SEC14L5: variants seen among roughly 807,000 people sequenced by gnomAD.
SEC14L5 encodes the protein SEC14-like protein 5.
In SEC14L5, 96 loss-of-function variants were observed where a neutral mutation model predicts 84.6. That is an observed-to-expected ratio of 1.13 (90% CI 0.96 to 1.34). The LOEUF is 1.34. Ranked by LOEUF, SEC14L5 falls within the 40% of genes most tolerant of loss-of-function variation. SEC14L5 has a pLI of 0.00. For missense variants in SEC14L5, 1,224 were observed against 942.5 expected (o/e 1.30, Z -3.91); for synonymous variants, 546 against 383.4 (o/e 1.42, Z -4.95).
At chr16:4,959,112 G>C in intron 1 of SEC14L5, 161 bp from the exon 2 acceptor site, 1 of 592,796 alleles carries the variant, frequency 1.7e-6, no homozygotes, top group South Asian at 2.0e-5. Context: ...GGAAGCTGTT[G>C]GGGCTTGGCC....
In SEC14L5 at chr16:4,997,701, C is replaced by G. The variant is rs56933635; in HGVS notation, c.970+657C>G. Among the ~76,000 whole-genome samples the G allele has an allele frequency of 2.8e-3, 429 of 152,282 alleles. 2 individuals carry two copies. The East Asian group carries it at 0.03, about 11-fold the overall frequency. On this transcript the variant is annotated intron_variant, in intron 8 of 15. Coordinates refer to ENST00000251170, the MANE Select transcript of SEC14L5 (RefSeq NM_014692.2). ...AGTAGAAATGTGTTCTTTCACAGTTCTCGAGGCCAGAAGTCTGGAGTCAAG... is the reference window on the plus strand; with the variant it reads ...AGTAGAAATGTGTTCTTTCACAGTTGTCGAGGCCAGAAGTCTGGAGTCAAG...
rs1955858149 is a variant in SEC14L5, at chr16:5,015,032, A to G, written c.*62A>G. ...AGTGTCCAGAAATGTCCAGAATGAG[A>G]AGCCAGCTAACTGCAGGGCCTGGGA... On this transcript the variant is annotated 3_prime_UTR_variant, in exon 16 of 16. Transcript: ENST00000251170. 3.0e-6 allele frequency: 4 copies of G among 1,336,580 alleles called. No homozygotes were observed. The highest frequency in any genetic ancestry group is 3.5e-5 in the Admixed American group (2 of 57,080). 82.8% of individuals were successfully genotyped at this position (1,336,580 alleles called of 1,614,324 possible).
chr16:5,012,209 A>G (rs1055012556), intron 15 of SEC14L5, among the ~76,000 whole-genome samples: 1 of 152,144 alleles, frequency 6.6e-6, no homozygotes, highest in Non-Finnish European at 1.5e-5. Context: ...TGTTTTGGCC[A>G]TCGGTCCTCA....
At chr16:5,006,739 C>G (rs897604402) in intron 12 of SEC14L5, among the ~76,000 whole-genome samples, 1 of 152,202 alleles carries the variant, frequency 6.6e-6, no homozygotes, top group Non-Finnish European at 1.5e-5. Context: ...GCGGCACACA[C>G]GACTTATTTT....
At chr16:4,959,614 G>A (rs754081212) in intron 2 of SEC14L5, among the ~76,000 whole-genome samples, 4 of 152,112 alleles carry the variant, frequency 2.6e-5, no homozygotes, top group Admixed American at 6.6e-5. Context: ...CCTTGTTGAA[G>A]CTGACCTGCT....
Position 5,007,333 on chromosome 16 carries a change from C to A in SEC14L5, c.1438-19C>A. ...CCTCAACTGGCCCTGACCTGCTGCC[C>A]TTTATCTCTGACCTGCAGTGTAATG... On this transcript the variant is annotated intron_variant, in intron 12 of 15. Transcript: ENST00000251170. 6.2e-7 allele frequency: 1 copy of A among 1,612,462 alleles called. No individual in the cohort carries two copies. Among genetic ancestry groups the A allele is most frequent in the Non-Finnish European group, 8.5e-7 (1 of 1,179,054 alleles).
Position 4,975,990 on chromosome 16 carries a change from T to C in SEC14L5, c.64-11567T>C, listed in dbSNP as rs562076728. ...AGTGGCATTCCAGCTTCCTTTGAAT[T>C]TGGATGAGGAAGAACAGGAAGGAAG... On this transcript the variant is annotated intron_variant, in intron 2 of 15. Transcript: ENST00000251170. Among the ~76,000 whole-genome samples, 3 of 152,262 alleles carry C rather than the reference T, an allele frequency of 2.0e-5. No individual in the cohort carries two copies. The East Asian group carries it at 5.8e-4, about 29-fold the overall frequency.
intron 14 of SEC14L5, among the ~76,000 whole-genome samples, chr16:5,009,802 C>G (rs949958777): frequency 6.6e-6 from 1 of 151,994 alleles, no homozygotes; most frequent in Admixed American, 6.6e-5. Context: ...CAAGTGGCTT[C>G]AGTATGGACG....
chr16:4,990,587 G>T (rs1276559393), intron 4 of SEC14L5, among the ~76,000 whole-genome samples, 180 bp from the exon 5 acceptor site: 4 of 152,222 alleles, frequency 2.6e-5, no homozygotes, highest in Non-Finnish European at 5.9e-5. Flanking sequence ...CTGACAGTTT[G>T]AACTTTGCAT....
chr16:5,017,115 C>T lies in SEC14L5; in HGVS notation c.*2145C>T, dbSNP rs574544457. Reference sequence around the variant, plus strand: ...CTGGCAGTCTTTATACATTTATTGTCTAGCCCCAGAGAAGGACACAGAAGC... The same window carrying T: ...CTGGCAGTCTTTATACATTTATTGTTTAGCCCCAGAGAAGGACACAGAAGC... On this transcript the variant is annotated 3_prime_UTR_variant, in exon 16 of 16. Coordinates refer to ENST00000251170, the MANE Select transcript of SEC14L5 (RefSeq NM_014692.2). 2 of 150,490 alleles carry T rather than the reference C, an allele frequency of 1.3e-5. No homozygotes were observed. The highest frequency in any genetic ancestry group is 2.4e-5 in the African/African-American group (1 of 40,908). 9.3% of individuals were successfully genotyped at this position (150,490 alleles called of 1,614,324 possible).
At chr16:4,996,543 G>A in intron 7 of SEC14L5, 83 bp downstream of exon 7, 3 of 714,928 alleles carry the variant, frequency 4.2e-6, no homozygotes, top group Non-Finnish European at 7.5e-6. Flanking sequence ...GGAAAGGCGA[G>A]ATGATAATGC....
chr16:4,977,180 C>T (rs955157766), intron 2 of SEC14L5, among the ~76,000 whole-genome samples: 1 of 152,078 alleles, frequency 6.6e-6, no homozygotes, highest in Admixed American at 6.5e-5. Context: ...GGTGCAGTGG[C>T]TCACGCCTGT....
intron 1 of SEC14L5, 128 bp from the exon 2 acceptor site, chr16:4,959,145 C>T: frequency 1.6e-6 from 1 of 615,260 alleles, no homozygotes; most frequent in East Asian, 2.7e-5. Context: ...GGGGGAATAT[C>T]AGCCTTCTCA....
chr16:4,987,605 G>C lies in SEC14L5; in HGVS notation c.112G>C (p.Gly38Arg). 15 of 1,560,572 alleles carry C rather than the reference G, an allele frequency of 9.6e-6. No homozygotes were observed. Among genetic ancestry groups the C allele is most frequent in the Non-Finnish European group, 1.3e-5 (15 of 1,153,330 alleles). The part of the protein sequence containing the change: ...PTCPQIPVFL[G>R]SEVLRESRSP... ...GTGCCCACAGATCCCAGTCTTCCTG[G>C]GCAGCGAGGTCTTGCGCGAGTCCCG... is the stretch of plus-strand genomic sequence containing the variant. The change falls in exon 3 of 16, where the codon GGC (glycine) becomes CGC (arginine). Residue 38 changes from glycine (G) to arginine (R), a missense_variant. Coordinates refer to ENST00000251170, the MANE Select transcript of SEC14L5 (RefSeq NM_014692.2).
chr16:4,968,564 C>A (rs1330201581), intron 2 of SEC14L5, among the ~76,000 whole-genome samples: 1 of 152,216 alleles, frequency 6.6e-6, no homozygotes, highest in African/African-American at 2.4e-5. Context: ...TGGGCTCAAG[C>A]CATCCTCCTG....
intron 2 of SEC14L5, among the ~76,000 whole-genome samples, chr16:4,968,059 C>T (rs1031762771): frequency 6.7e-6 from 1 of 148,248 alleles, no homozygotes; most frequent in African/African-American, 2.5e-5. Context: ...TGCTCTGTTA[C>T]TCAAGCTGGA....
Position 4,992,089 on chromosome 16 carries a change from C to T in SEC14L5, c.667+59C>T, listed in dbSNP as rs897026573. 5 of 1,216,728 alleles carry T rather than the reference C, an allele frequency of 4.1e-6. No homozygotes were observed. The African/African-American group carries it at 6.2e-5, about 15-fold the overall frequency. The allele number at this position is 1,216,728 out of a possible 1,614,324, so 75.4% of individuals were successfully genotyped here. On this transcript the variant is annotated intron_variant, in intron 6 of 15. Transcript: ENST00000251170. ...GAGGCTGCTGCAGGTCCTCTTGCTC[C>T]ATGGGGGGCCCTGGGGCATGTTGGG...
chr16:4,986,803 T>A (rs913665581), intron 2 of SEC14L5, among the ~76,000 whole-genome samples: 1 of 152,356 alleles, frequency 6.6e-6, no homozygotes, highest in East Asian at 1.9e-4. Flanking sequence ...GTAAATAGAA[T>A]TTTTTCATTT....
intron 11 of SEC14L5, among the ~76,000 whole-genome samples, chr16:5,004,679 C>T (rs749406762): frequency 6.6e-5 from 10 of 152,044 alleles, no homozygotes; most frequent in Middle Eastern, 3.2e-3. Flanking sequence ...GGGCCCTGCA[C>T]GGGGGGATTG....
Sources: gnomAD v4.1 joint callset for allele counts (sites outside exome capture counted in the v4.1 genomes callset) on GRCh38, gnomAD v4.1.1 for gene constraint, MANE v1.5 for transcripts, NCBI Gene and HGNC (gene_info 2026-07-23, HGNC 2026-07-21) for gene names.